The following GTF2F1 variants were observed in gnomAD, a reference collection of about 807,000 sequenced individuals.
The protein encoded by GTF2F1 is general transcription factor IIF 74 kDa subunit.
GTF2F1 carries 39 observed loss-of-function variants against 63.5 expected under a neutral mutation model. The ratio of observed to expected loss-of-function variants is 0.61; its 90% CI spans 0.48 to 0.80. GTF2F1 has a LOEUF of 0.80. Ranked by LOEUF, GTF2F1 falls within the 30% of genes least tolerant of loss-of-function variation. The pLI, the probability that GTF2F1 is intolerant of heterozygous loss-of-function variation, is 0.00. For missense variants in GTF2F1, 657 were observed against 718.3 expected (o/e 0.91, Z 0.97); for synonymous variants, 287 against 285.3 (o/e 1.01, Z -0.06).
At position 6,381,947 on chromosome 19, in the gene GTF2F1, G is replaced by T; in HGVS notation, c.683-97C>A. The T allele has an allele frequency of 9.6e-7, 1 of 1,038,408 alleles. No individual in the cohort carries two copies. Among genetic ancestry groups the T allele is most frequent in the Non-Finnish European group, 1.4e-6 (1 of 709,842 alleles). The allele number at this position is 1,038,408 out of a possible 1,614,324, so 64.3% of individuals were successfully genotyped here. A position where few individuals can be genotyped will look rare whatever the true frequency, so the allele number is the denominator to read the frequency against. ...ACATTTTGTGCAGTTTTGACATCCT[G>T]GGGGGCCTCACTGACTGGGGAGACT... On this transcript the variant is annotated intron_variant, in intron 6 of 12. Transcript: ENST00000394456. This position sits in a 1 kb window ranked among gnomAD's most constrained non-coding sequence, Gnocchi z 4.1.
chr19:6,392,330 G>A (rs752831781), intron 2 of GTF2F1: 3 of 479,604 alleles, frequency 6.3e-6, no homozygotes, highest in Admixed American at 4.6e-5. Context: ...ATGGAGGGAC[G>A]AAGATTTGGG....
At chr19:6,391,439 G>GTTTTTTTTT (rs11340944) in intron 3 of GTF2F1, among the ~76,000 whole-genome samples, 3 of 87,452 alleles carry the variant, frequency 3.4e-5, no homozygotes, top group East Asian at 3.3e-4. Context: ...TGCCATTTCC[G>GTTTTTTTTT]TTTTTTTTTT....
At chr19:6,382,983 C>A (rs1351767329) in intron 6 of GTF2F1, among the ~76,000 whole-genome samples, 1 of 151,970 alleles carries the variant, frequency 6.6e-6, no homozygotes, top group African/African-American at 2.4e-5. Context: ...CTCAACACAA[C>A]CTCTATCTCA....
intron 2 of GTF2F1, chr19:6,392,314 G>C (rs1329960111): frequency 4.1e-6 from 2 of 484,564 alleles, no homozygotes; most frequent in Non-Finnish European, 8.1e-6. Flanking sequence ...GGCAGAAGAA[G>C]AGCAGATGGA....
chr19:6,387,283 G>C (rs982916888), intron 5 of GTF2F1, 106 bp downstream of exon 5: 2 of 1,112,392 alleles, frequency 1.8e-6, no homozygotes, highest in African/African-American at 1.5e-5. Context: ...GTCTGCCCTG[G>C]TTACCCCTGA....
rs368902544 is a variant in GTF2F1 at position 6,380,652 on chromosome 19, G to A, written c.1270C>T (p.Arg424Trp). Reference protein sequence around the residue: ...VSEMPAAKRLRLDTGPQSLSG... With the variant: ...VSEMPAAKRLWLDTGPQSLSG... ...AGGCTCTGGGGTCCCGTGTCCAGCC[G>A]CAACCGCTTGGCTGCAGGCATCTCG... The change falls in exon 12 of 13, where the codon CGG becomes TGG. Residue 424 changes from arginine to tryptophan, a missense_variant. Transcript: ENST00000394456. The surrounding 1 kb of genome is among the most constrained non-coding windows in gnomAD (Gnocchi z 5.3). 12 of 1,613,438 alleles carry A rather than the reference G, an allele frequency of 7.4e-6. No homozygotes were observed. The highest frequency in any genetic ancestry group is 6.7e-5 in the East Asian group (3 of 44,878).
At position 6,383,285 on chromosome 19, in the gene GTF2F1, C is replaced by T. The variant is rs2091960670; in HGVS notation, c.682+26G>A. The T allele has an allele frequency of 1.2e-6, 2 of 1,609,286 alleles. No individual in the cohort carries two copies. The highest frequency in any genetic ancestry group is 2.7e-5 in the African/African-American group (2 of 74,894). ...ACTGCCTGAGCAGGCACCTCTGTGA[C>T]CTAATGCCCAGGCGCCCGTACTCAC... is the stretch of plus-strand genomic sequence containing the variant. On this transcript the variant is annotated intron_variant, in intron 6 of 12. Transcript: ENST00000394456. This position sits in a 1 kb window ranked among gnomAD's most constrained non-coding sequence, Gnocchi z 4.5.
In GTF2F1 at chr19:6,381,060, G is replaced by T; in HGVS notation, c.1093-18C>A. 6.2e-7 allele frequency: 1 copy of T among 1,610,652 alleles called. No individual in the cohort carries two copies. Among genetic ancestry groups the T allele is most frequent in the Non-Finnish European group, 8.5e-7 (1 of 1,178,566 alleles). The stretch of plus-strand genomic sequence containing the variant: ...TTCTTCTTCTGCAGAGGTCAGGGTT[G>T]GGAGGTGGGTGAGTCTGCAAACAGA... On this transcript the variant is annotated intron_variant, in intron 10 of 12. Transcript: ENST00000394456. The surrounding 1 kb of genome is among the most constrained non-coding windows in gnomAD (Gnocchi z 4.1).
chr19:6,380,157 G>T lies in GTF2F1; in HGVS notation c.*124C>A. 1.2e-6 allele frequency: 1 copy of T among 854,396 alleles called. No individual in the cohort carries two copies. Among genetic ancestry groups the T allele is most frequent in the Non-Finnish European group, 2.0e-6 (1 of 501,138 alleles). 52.9% of individuals were successfully genotyped at this position (854,396 alleles called of 1,614,324 possible). On this transcript the variant is annotated 3_prime_UTR_variant, in exon 13 of 13. Coordinates refer to ENST00000394456, the MANE Select transcript of GTF2F1 (RefSeq NM_002096.3). This position sits in a 1 kb window ranked among gnomAD's most constrained non-coding sequence, Gnocchi z 5.3. ...CAGGGAGCAAGCAGGATGTCGAAGG[G>T]TCACTGAGAGCCTGAAGTTCTGGAG...
rs767420292 is a variant in GTF2F1 at position 6,381,666 on chromosome 19, G to C, written c.836+31C>G. 1.2e-6 allele frequency: 2 copies of C among 1,614,094 alleles called. No homozygotes were observed. Among genetic ancestry groups the C allele is most frequent in the East Asian group, 4.5e-5 (2 of 44,874 alleles). On this transcript the variant is annotated intron_variant, in intron 7 of 12. Transcript: ENST00000394456. This position sits in a 1 kb window ranked among gnomAD's most constrained non-coding sequence, Gnocchi z 4.1. ...GAGCGCGCGCTCGCGAGGCTGCATGGGGTCTCGCAGGCGCCTCCCGTCGGC... is the reference window on the plus strand; with the variant it reads ...GAGCGCGCGCTCGCGAGGCTGCATGCGGTCTCGCAGGCGCCTCCCGTCGGC...
In GTF2F1 at chr19:6,380,847, A is replaced by G. The variant is rs2091944461; in HGVS notation, c.1231+57T>C. ...TCCCCTCTCTGTCCTGAGCCCCAAC[A>G]GAGGTCAGGAGGCTGTGGCTGTGGC... On this transcript the variant is annotated intron_variant, in intron 11 of 12. Transcript: ENST00000394456. The surrounding 1 kb of genome is among the most constrained non-coding windows in gnomAD (Gnocchi z 5.3). 1 of 1,511,510 alleles carries G rather than the reference A, an allele frequency of 6.6e-7. No individual in the cohort carries two copies. The highest frequency in any genetic ancestry group is 8.8e-7 in the Non-Finnish European group (1 of 1,131,382). 93.6% of individuals were successfully genotyped at this position (1,511,510 alleles called of 1,614,324 possible).
chr19:6,383,575 C>A lies in GTF2F1; in HGVS notation c.498-80G>T. The A allele has an allele frequency of 6.9e-7, 1 of 1,459,306 alleles. No homozygotes were observed. The highest frequency in any genetic ancestry group is 9.4e-7 in the Non-Finnish European group (1 of 1,059,480). 90.4% of individuals were successfully genotyped at this position (1,459,306 alleles called of 1,614,324 possible). On this transcript the variant is annotated intron_variant, in intron 5 of 12. Transcript: ENST00000394456. The surrounding 1 kb of genome is among the most constrained non-coding windows in gnomAD (Gnocchi z 4.5). Reference sequence around the variant, plus strand: ...TGCTTGCAGGGGGCGAGCCCCAGGGCACCACCCACATAGCCTTCAAGGTGA... The same window carrying A: ...TGCTTGCAGGGGGCGAGCCCCAGGGAACCACCCACATAGCCTTCAAGGTGA...
chr19:6,383,044 G>A lies in GTF2F1; in HGVS notation c.682+267C>T, dbSNP rs937383757. On this transcript the variant is annotated intron_variant, in intron 6 of 12. Transcript: ENST00000394456. This position sits in a 1 kb window ranked among gnomAD's most constrained non-coding sequence, Gnocchi z 4.5. ...AGTCTCCCGAGTAGCTGGCACTAGA[G>A]GCATGCACCACCATGCCCAGCTAAT... Among the ~76,000 whole-genome samples the A allele has an allele frequency of 6.6e-6, 1 of 152,162 alleles. No homozygotes were observed. The highest frequency in any genetic ancestry group is 1.5e-5 in the Non-Finnish European group (1 of 68,032).
rs1183838573 is a variant in GTF2F1 at position 6,379,663 on chromosome 19, C to G, written c.*618G>C. On this transcript the variant is annotated 3_prime_UTR_variant, in exon 13 of 13. Transcript: ENST00000394456. ...GGTGTCAGCTCACAGCAACCTCCAC[C>G]TCCCAGGTTCAAGTGAATCTCGTGC... 1.3e-5 allele frequency: 2 copies of G among 154,572 alleles called. No individual in the cohort carries two copies. The highest frequency in any genetic ancestry group is 4.8e-5 in the African/African-American group (2 of 41,528). 9.6% of individuals were successfully genotyped at this position (154,572 alleles called of 1,614,324 possible). A position where few individuals can be genotyped will look rare whatever the true frequency, so the allele number is the denominator to read the frequency against.
In GTF2F1 at chr19:6,381,812, C is replaced by A; in HGVS notation, c.721G>T (p.Ala241Ser). The A allele has an allele frequency of 6.2e-7, 1 of 1,613,566 alleles. No homozygotes were observed. Among genetic ancestry groups the A allele is most frequent in the Non-Finnish European group, 8.5e-7 (1 of 1,179,950 alleles). Residue 241 changes from alanine (A) to serine (S), a missense_variant, in exon 7 of 13, where the codon GCC becomes TCC. Around this residue, in one of 2 missense-constraint regions of GTF2F1, gnomAD observed 602 missense variants for 625.6 expected, o/e 0.96. Coordinates refer to ENST00000394456, the MANE Select transcript of GTF2F1 (RefSeq NM_002096.3). This position sits in a 1 kb window ranked among gnomAD's most constrained non-coding sequence, Gnocchi z 4.1. ...VPKAKKKAPL[A>S]KGGRKKKKKK... is the part of the protein sequence containing the mutation. ...TTCTTCTTTTTCCTGCCGCCCTTGG[C>A]CAGCGGCGCCTTCTTCTTGGCCTTG...
Position 6,380,210 on chromosome 19 carries a change from C to T in GTF2F1, c.*71G>A. The T allele has an allele frequency of 7.9e-7, 1 of 1,271,682 alleles. No individual in the cohort carries two copies. The highest frequency in any genetic ancestry group is 1.2e-6 in the Non-Finnish European group (1 of 867,816). The allele number at this position is 1,271,682 out of a possible 1,614,324, so 78.8% of individuals were successfully genotyped here. On this transcript the variant is annotated 3_prime_UTR_variant, in exon 13 of 13. Transcript: ENST00000394456. The surrounding 1 kb of genome is among the most constrained non-coding windows in gnomAD (Gnocchi z 5.3). Reference sequence around the variant, plus strand: ...CAGAGCCATGTATTGGACAGAGCCTCACTCTAGGATGGCGAAGGGGCAGTG... The same window carrying T: ...CAGAGCCATGTATTGGACAGAGCCTTACTCTAGGATGGCGAAGGGGCAGTG...
intron 5 of GTF2F1, among the ~76,000 whole-genome samples, chr19:6,386,396 AC>A (rs568663229): frequency 0.016 from 2,375 of 147,508 alleles, 58 homozygotes; most frequent in African/African-American, 0.059. Context: ...TCAAAAAAAA[AC>A]ACACAAACAA....
Position 6,381,702 on chromosome 19 carries a change from G to A in GTF2F1, c.831C>T (p.Gly277=). The change falls in exon 7 of 13, where the codon GGC becomes GGT. Residue 277 remains glycine (G), a synonymous_variant. Coordinates refer to ENST00000394456, the MANE Select transcript of GTF2F1 (RefSeq NM_002096.3). This position sits in a 1 kb window ranked among gnomAD's most constrained non-coding sequence, Gnocchi z 4.1. ...EGQEVDYMSD[G]SSSSQEEPES... ...GCGCCTCCCGTCGGCCTCACCTGGA[G>A]CCGTCTGACATGTAGTCCACCTCTT... 2 of 1,614,166 alleles carry A rather than the reference G, an allele frequency of 1.2e-6. No homozygotes were observed. The highest frequency in any genetic ancestry group is 1.6e-4 in the Middle Eastern group (1 of 6,062).
chr19:6,392,680 C>G (rs996290308), intron 2 of GTF2F1, among the ~76,000 whole-genome samples, 177 bp downstream of exon 2: 6 of 152,154 alleles, frequency 3.9e-5, no homozygotes, highest in African/African-American at 1.4e-4. Flanking sequence ...TTCATTCGTT[C>G]AAAAAAGCAG....
Sources: allele counts gnomAD v4.1 joint callset (sites outside exome capture counted in the v4.1 genomes callset), GRCh38; gene constraint gnomAD v4.1.1; regional missense constraint gnomAD v4.1.1; non-coding constraint Gnocchi (gnomAD v3.1); transcripts MANE v1.5; gene names NCBI Gene and HGNC (gene_info 2026-07-23, HGNC 2026-07-21).